CDK8: variants seen among roughly 807,000 people sequenced by gnomAD.
The protein encoded by CDK8 is cyclin-dependent kinase 8.
In CDK8, 29 loss-of-function variants were observed where a neutral mutation model predicts 71.5. The ratio of observed to expected loss-of-function variants is 0.41; its 90% confidence interval spans 0.30 to 0.55. The LOEUF (loss-of-function observed/expected upper bound fraction) is 0.55, where lower values mean the gene tolerates loss of function less well. Ranked by LOEUF, CDK8 falls within the 20% of genes least tolerant of loss-of-function variation. The pLI, the probability that CDK8 is intolerant of heterozygous loss-of-function variation, is 0.37. For synonymous variants in CDK8, 161 were observed against 192.1 expected, an observed-to-expected ratio of 0.84 and a Z score of 1.34; for missense variants, 288 against 572.6, an observed-to-expected ratio of 0.50 and a Z score of 5.07.
chr13:26,357,120 A>G (rs1042558877), intron 4 of CDK8, among the ~76,000 whole-genome samples: 2 of 152,214 alleles, frequency 1.3e-5, no homozygotes, highest in Non-Finnish European at 2.9e-5. Context: ...TTTGATATGT[A>G]TAGTTGAGCT....
chr13:26,287,902 G>A (rs1299587204), intron 1 of CDK8, among the ~76,000 whole-genome samples: 1 of 152,154 alleles, frequency 6.6e-6, no homozygotes, highest in South Asian at 2.1e-4. Context: ...CCTGTGACTT[G>A]TGTTTTTACC....
In CDK8 at chr13:26,254,855, C is replaced by T; in HGVS notation, c.128+86C>T. The T allele has an allele frequency of 2.0e-6, 3 of 1,534,506 alleles. No individual in the cohort carries two copies. The highest frequency in any genetic ancestry group is 2.4e-5 in the South Asian group (2 of 82,710). On this transcript the variant is annotated intron_variant, in intron 1 of 12. Transcript: ENST00000381527. The surrounding 1 kb of genome is among the most constrained non-coding windows in gnomAD (Gnocchi z 6.7). ...GTAGCCCGGAGGGAGAGCGGGCCGC[C>T]GGGGTGCCGGGCTCTGACTTCCTCG...
At chr13:26,263,429 C>T (rs552474670) in intron 1 of CDK8, among the ~76,000 whole-genome samples, 1 of 151,936 alleles carries the variant, frequency 6.6e-6, no homozygotes, top group African/African-American at 2.4e-5. Flanking sequence ...CCACCGCGCC[C>T]GGCCGGGAGT....
intron 1 of CDK8, among the ~76,000 whole-genome samples, chr13:26,264,547 A>G (rs978693623): frequency 3.9e-5 from 6 of 152,228 alleles, no homozygotes; most frequent in African/African-American, 1.4e-4. Context: ...TATGGGGCAC[A>G]CGAGAAATTT....
chr13:26,301,080 C>T (rs1356133041), intron 1 of CDK8, among the ~76,000 whole-genome samples: 5 of 152,030 alleles, frequency 3.3e-5, no homozygotes, highest in Admixed American at 3.3e-4. Context: ...AGGTCTTCAA[C>T]TGTTGGTTTT....
intron 6 of CDK8, 59 bp downstream of exon 6, chr13:26,385,401 T>C: frequency 7.4e-7 from 1 of 1,353,034 alleles, no homozygotes; most frequent in East Asian, 2.4e-5. Flanking sequence ...AAGACACACA[T>C]TCCTATATAT....
chr13:26,388,693 G>T (rs1223886402), intron 6 of CDK8, among the ~76,000 whole-genome samples: 1 of 152,122 alleles, frequency 6.6e-6, no homozygotes, highest in Non-Finnish European at 1.5e-5. Context: ...GAAACATTAA[G>T]ATTTATATAA....
intron 1 of CDK8, among the ~76,000 whole-genome samples, chr13:26,310,758 CT>C (rs1165640503): frequency 6.6e-6 from 1 of 152,128 alleles, no homozygotes; most frequent in Non-Finnish European, 1.5e-5. Flanking sequence ...GTCTGAGGCC[CT>C]GGGGGTTGTG....
intron 8 of CDK8, among the ~76,000 whole-genome samples, chr13:26,396,893 A>T (rs1191005471): frequency 6.6e-6 from 1 of 152,094 alleles, no homozygotes; most frequent in Non-Finnish European, 1.5e-5. Context: ...AATATAATTC[A>T]TGTGAAAAAA....
intron 1 of CDK8, among the ~76,000 whole-genome samples, chr13:26,287,043 C>T (rs1172917254): frequency 6.7e-6 from 1 of 150,258 alleles, no homozygotes; most frequent in Non-Finnish European, 1.5e-5. Context: ...AACACTTTTA[C>T]ACTGCTGGTG....
chr13:26,309,280 T>C (rs1456322431), intron 1 of CDK8, among the ~76,000 whole-genome samples: 3 of 151,860 alleles, frequency 2.0e-5, no homozygotes, highest in Non-Finnish European at 4.4e-5. Context: ...GCTGGGACTA[T>C]AGGCGCCTGC....
At chr13:26,373,175 C>T (rs1465627926) in intron 4 of CDK8, among the ~76,000 whole-genome samples, 1 of 152,204 alleles carries the variant, frequency 6.6e-6, no homozygotes, top group Non-Finnish European at 1.5e-5. Flanking sequence ...CCTCACCATC[C>T]TGTACATACT....
chr13:26,391,185 G>C (rs1478073990), intron 6 of CDK8, among the ~76,000 whole-genome samples: 1 of 151,916 alleles, frequency 6.6e-6, no homozygotes, highest in Non-Finnish European at 1.5e-5. Context: ...AAAGACAGAA[G>C]AGTTACTAGA....
intron 4 of CDK8, among the ~76,000 whole-genome samples, chr13:26,357,177 C>G (rs1476069714): frequency 2.0e-5 from 3 of 152,096 alleles, no homozygotes; most frequent in Non-Finnish European, 4.4e-5. Flanking sequence ...TATTTGGTTG[C>G]TATTAATTAT....
At chr13:26,320,490 A>G (rs1008916553) in intron 1 of CDK8, among the ~76,000 whole-genome samples, 1 of 152,194 alleles carries the variant, frequency 6.6e-6, no homozygotes, top group Non-Finnish European at 1.5e-5. Flanking sequence ...GATTTCTTGG[A>G]TATGGCACAG....
chr13:26,280,228 G>C (rs529560044), intron 1 of CDK8, among the ~76,000 whole-genome samples: 4 of 152,318 alleles, frequency 2.6e-5, no homozygotes, highest in Non-Finnish European at 5.9e-5. Flanking sequence ...TGGTGGCTAA[G>C]AAACTTAAAT....
intron 4 of CDK8, among the ~76,000 whole-genome samples, chr13:26,366,123 T>C (rs1331708139): frequency 6.6e-6 from 1 of 152,164 alleles, no homozygotes; most frequent in African/African-American, 2.4e-5. Context: ...TTATCTCAGC[T>C]AAAGCTGTTA....
At chr13:26,299,564 TAG>T (rs1366503085) in intron 1 of CDK8, among the ~76,000 whole-genome samples, 1 of 152,218 alleles carries the variant, frequency 6.6e-6, no homozygotes, top group Admixed American at 6.5e-5. Flanking sequence ...CTTTCATCAC[TAG>T]CTACACAGTT....
rs1436372709 is a variant in CDK8 at position 26,257,915 on chromosome 13, TGTGTGTGA to T, written c.128+3148_128+3155del. Among the ~76,000 whole-genome samples the T allele has an allele frequency of 5.0e-3, 712 of 141,172 alleles. 12 individuals are homozygous for T. Among genetic ancestry groups the T allele is most frequent in the African/African-American group, 0.021 (666 of 32,188 alleles). 92.6% of individuals were successfully genotyped at this position (141,172 alleles called of 152,430 possible). On this transcript the variant is annotated intron_variant, in intron 1 of 12. Transcript: ENST00000381527. The stretch of plus-strand genomic sequence containing the variant: ...GTGTTTGTGTGTGTGTGTGTGTGTG[TGTGTGTGA>T]GAGAGAGAGAGATACTGCCAACTTT...
Sources: gnomAD v4.1 joint callset for allele counts (sites outside exome capture counted in the v4.1 genomes callset) on GRCh38, gnomAD v4.1.1 for gene constraint, Gnocchi (gnomAD v3.1) non-coding constraint, MANE v1.5 for transcripts, NCBI Gene and HGNC (gene_info 2026-07-23, HGNC 2026-07-21) for gene names.